KIRREL1: variants seen among roughly 807,000 people sequenced by gnomAD.
KIRREL1 encodes kirre like nephrin family adhesion molecule 1, also known as kin of IRRE-like protein 1.
Under a neutral mutation model 83.3 loss-of-function variants are expected in KIRREL1, and 25 were observed. That is an observed-to-expected ratio of 0.30 (90% confidence interval 0.22 to 0.42). KIRREL1 has a LOEUF of 0.42. Ranked by LOEUF, KIRREL1 falls within the 10% of genes least tolerant of loss-of-function variation. The pLI, the probability that KIRREL1 is intolerant of heterozygous loss-of-function variation, is 1.00. For synonymous variants in KIRREL1, 388 were observed against 410.4 expected (o/e 0.95, Z 0.66); for missense variants, 812 against 1,032.3 (o/e 0.79, Z 2.92).
In KIRREL1 at chr1:158,099,645, CAATAAT is replaced by C. The variant is rs956884211; in HGVS notation, c.*4534_*4539del. 6.6e-6 allele frequency: 1 copy of C among 152,056 alleles called. No homozygotes were observed. The highest frequency in any genetic ancestry group is 1.5e-5 in the Non-Finnish European group (1 of 68,016). 9.4% of individuals were successfully genotyped at this position (152,056 alleles called of 1,614,324 possible). On this transcript the variant is annotated 3_prime_UTR_variant, in exon 15 of 15. Coordinates refer to ENST00000359209, the MANE Select transcript of KIRREL1 (RefSeq NM_018240.7). Reference sequence around the variant, plus strand: ...ACAAACCTGCCCTTATTAATAATAACAATAATAATAATAACTCCATTTGCATAGAAC... The same window carrying C: ...ACAAACCTGCCCTTATTAATAATAACAATAATAACTCCATTTGCATAGAAC...
At chr1:158,030,281 G>A (rs1456337115) in intron 1 of KIRREL1, among the ~76,000 whole-genome samples, 2 of 152,216 alleles carry the variant, frequency 1.3e-5, no homozygotes, top group Non-Finnish European at 2.9e-5. Flanking sequence ...AGAATCTTAT[G>A]GAAGTTATGG....
Position 158,090,508 on chromosome 1 carries a change from C to T in KIRREL1, c.1272+690C>T, listed in dbSNP as rs145787856. ...GGGACACTTCATTACCACGGCCGCC[C>T]GGGCAGCAGGCGGCTGGCCTCCCGG... On this transcript the variant is annotated intron_variant, in intron 10 of 14. Transcript: ENST00000359209. Among the ~76,000 whole-genome samples the T allele has an allele frequency of 3.1e-3, 466 of 152,324 alleles. 2 individuals are homozygous for T. The Middle Eastern group carries it at 0.034, about 11-fold the overall frequency.
chr1:158,050,627 A>G (rs924926245), intron 1 of KIRREL1, among the ~76,000 whole-genome samples: 2 of 152,148 alleles, frequency 1.3e-5, no homozygotes, highest in Non-Finnish European at 1.5e-5. Flanking sequence ...TCAGTGTTCC[A>G]GGGACCTTAA....
intron 1 of KIRREL1, among the ~76,000 whole-genome samples, chr1:158,008,280 C>T (rs982297823): frequency 4.6e-5 from 7 of 152,056 alleles, no homozygotes; most frequent in African/African-American, 1.7e-4. Context: ...GAGCCAGAAC[C>T]CCTGGGCTGC....
intron 1 of KIRREL1, among the ~76,000 whole-genome samples, chr1:157,997,137 C>T (rs1659228698): frequency 6.6e-6 from 1 of 152,186 alleles, no homozygotes; most frequent in Non-Finnish European, 1.5e-5. Flanking sequence ...GAGCGCGCTG[C>T]AGTGCTGGAA....
rs899445738 is a variant in KIRREL1, at chr1:158,097,817, G to A, written c.*2697G>A. On this transcript the variant is annotated 3_prime_UTR_variant, in exon 15 of 15. Transcript: ENST00000359209. ...TTGGTGGCTTGTTTTAGTGGAAAGA[G>A]CAAGGGACTAAAGGTCAGGAGACCC... 2 of 152,282 alleles carry A rather than the reference G, an allele frequency of 1.3e-5. No individual in the cohort carries two copies. The highest frequency in any genetic ancestry group is 4.8e-5 in the African/African-American group (2 of 41,456). 9.4% of individuals were successfully genotyped at this position (152,282 alleles called of 1,614,324 possible).
intron 1 of KIRREL1, among the ~76,000 whole-genome samples, chr1:157,995,264 G>A (rs746424688): frequency 3.2e-4 from 49 of 152,202 alleles, no homozygotes; most frequent in Non-Finnish European, 6.3e-4. Context: ...TCTCCCCACA[G>A]GGCACCCATG....
chr1:158,083,255 C>G (rs1408641124), intron 3 of KIRREL1, among the ~76,000 whole-genome samples: 1 of 152,214 alleles, frequency 6.6e-6, no homozygotes, highest in Admixed American at 6.5e-5. Flanking sequence ...GACAGGGTTG[C>G]TGTTTTTCCA....
intron 12 of KIRREL1, 68 bp downstream of exon 12, chr1:158,093,514 T>G (rs1662261452): frequency 6.2e-7 from 1 of 1,600,846 alleles, no homozygotes; most frequent in Admixed American, 1.7e-5. Context: ...AGGCAGTGCT[T>G]GGGGTGGATG....
chr1:158,055,508 T>G (rs191825155), intron 1 of KIRREL1, among the ~76,000 whole-genome samples: 3 of 152,296 alleles, frequency 2.0e-5, no homozygotes, highest in African/African-American at 7.2e-5. Context: ...CCCAACCTCA[T>G]GGGCAAGAGT....
At chr1:158,053,111 A>T (rs892294839) in intron 1 of KIRREL1, among the ~76,000 whole-genome samples, 2 of 152,072 alleles carry the variant, frequency 1.3e-5, no homozygotes, top group Non-Finnish European at 2.9e-5. Flanking sequence ...TCCACACAAG[A>T]TTTGGAGGGG....
chr1:158,098,345 A>G lies in KIRREL1; in HGVS notation c.*3225A>G, dbSNP rs1662405873. 1.3e-5 allele frequency: 2 copies of G among 152,224 alleles called. No homozygotes were observed. Among genetic ancestry groups the G allele is most frequent in the African/African-American group, 4.8e-5 (2 of 41,442 alleles). The allele number at this position is 152,224 out of a possible 1,614,324, so 9.4% of individuals were successfully genotyped here. Reference sequence around the variant, plus strand: ...CCTAGGTTTCAGGCACTCCTTCTGTAGGGGAAAATGGGAGGAGCCTTCCTC... The same window carrying G: ...CCTAGGTTTCAGGCACTCCTTCTGTGGGGGAAAATGGGAGGAGCCTTCCTC... On this transcript the variant is annotated 3_prime_UTR_variant, in exon 15 of 15. Transcript: ENST00000359209.
In KIRREL1 at chr1:158,088,422, A is replaced by G. The variant is rs1398493664; in HGVS notation, c.1012A>G (p.Thr338Ala). The G allele has an allele frequency of 6.3e-7, 1 of 1,580,318 alleles. No homozygotes were observed. The highest frequency in any genetic ancestry group is 1.5e-5 in the African/African-American group (1 of 65,408). The change falls in exon 8 of 15, where the codon ACT (threonine) becomes GCT (alanine). Residue 338 changes from threonine to alanine, a missense_variant. By Grantham distance (58) the Thr-to-Ala change is moderately conservative (BLOSUM62 0). Around this residue, in one of 3 missense-constraint regions of KIRREL1, gnomAD observed 472 missense variants for 626.8 expected, o/e 0.75. Transcript: ENST00000359209. ...TGTCTGGGTTGGGAATCCCCCCCTCACTCTCACCTGGACCAAAAAGGACTC... is the reference window on the plus strand; with the variant it reads ...TGTCTGGGTTGGGAATCCCCCCCTCGCTCTCACCTGGACCAAAAAGGACTC... ...TCVWVGNPPL[T>A]LTWTKKDSNM...
In KIRREL1 at chr1:158,094,575, G is replaced by T; in HGVS notation, c.1798-69G>T. 7.3e-7 allele frequency: 1 copy of T among 1,366,934 alleles called. No individual in the cohort carries two copies. The highest frequency in any genetic ancestry group is 1.3e-5 in the South Asian group (1 of 79,132). The allele number at this position is 1,366,934 out of a possible 1,614,324, so 84.7% of individuals were successfully genotyped here. A position where few individuals can be genotyped will look rare whatever the true frequency, so the allele number is the denominator to read the frequency against. On this transcript the variant is annotated intron_variant, in intron 14 of 14. Transcript: ENST00000359209. This position sits in a 1 kb window ranked among gnomAD's most constrained non-coding sequence, Gnocchi z 4.6. ...AGAGCTGGAGGAAGAGGCCCAGAAAGCCATGGTGAGACTTGATCCCCACCC... is the reference window on the plus strand; with the variant it reads ...AGAGCTGGAGGAAGAGGCCCAGAAATCCATGGTGAGACTTGATCCCCACCC...
intron 1 of KIRREL1, among the ~76,000 whole-genome samples, chr1:158,043,036 G>C (rs12047033): frequency 1.3e-5 from 2 of 149,512 alleles, no homozygotes; most frequent in Admixed American, 6.6e-5. Context: ...TGCAGTGAGC[G>C]GAGATTGCAC....
intron 1 of KIRREL1, among the ~76,000 whole-genome samples, chr1:157,996,365 G>T (rs1224764663): frequency 6.6e-6 from 1 of 152,028 alleles, no homozygotes; most frequent in Non-Finnish European, 1.5e-5. Flanking sequence ...TCGCTCCCTA[G>T]TCTCGGGGAG....
chr1:158,052,804 A>T (rs1245524725), intron 1 of KIRREL1, among the ~76,000 whole-genome samples: 1 of 151,852 alleles, frequency 6.6e-6, no homozygotes, highest in African/African-American at 2.4e-5. Flanking sequence ...AGAGAGAGAG[A>T]TTTATTTGGC....
intron 1 of KIRREL1, among the ~76,000 whole-genome samples, chr1:158,042,069 G>T (rs1660642640): frequency 6.6e-6 from 1 of 152,188 alleles, no homozygotes; most frequent in African/African-American, 2.4e-5. Context: ...AGAGAACACT[G>T]TTACATTGCC....
chr1:158,070,665 C>A (rs1476555995), intron 1 of KIRREL1, among the ~76,000 whole-genome samples: 3 of 152,128 alleles, frequency 2.0e-5, no homozygotes, highest in Non-Finnish European at 4.4e-5. Flanking sequence ...GAATGATTCC[C>A]AGTCTGAGGC....
Sources: gnomAD v4.1 joint callset for allele counts (sites outside exome capture counted in the v4.1 genomes callset) on GRCh38, gnomAD v4.1.1 for gene constraint, gnomAD v4.1.1 regional missense constraint, Gnocchi (gnomAD v3.1) non-coding constraint, MANE v1.5 for transcripts, NCBI Gene and HGNC (gene_info 2026-07-23, HGNC 2026-07-21) for gene names.